CD6: variants seen among roughly 807,000 people sequenced by gnomAD.
The protein encoded by CD6 is CD6 molecule.
Under a neutral mutation model 75.3 loss-of-function variants are expected in CD6, and 53 were observed. The ratio of observed to expected loss-of-function variants is 0.70; its 90% CI spans 0.56 to 0.88. CD6 has a LOEUF of 0.88. CD6 is among the 40% of genes least tolerant of loss of function. The pLI is 0.00. For synonymous variants in CD6, 359 were observed against 381.5 expected (o/e 0.94, Z 0.69); for missense variants, 770 against 897.1 (o/e 0.86, Z 1.81).
rs568697428 is a variant in CD6 at position 60,977,752 on chromosome 11, C to T, written c.49+5838C>T. 1.7e-3 allele frequency among the ~76,000 whole-genome samples: 259 copies of T among 152,268 alleles called. 1 individual carries two copies. Among genetic ancestry groups the T allele is most frequent in the Non-Finnish European group, 3.1e-3 (208 of 68,022 alleles). ...TCAAGGGATCCTCCCACCTCAGCCT[C>T]CCAAATAGCTGGGATTACAGGCGCC... On this transcript the variant is annotated intron_variant, in intron 1 of 12. Coordinates refer to ENST00000313421, the MANE Select transcript of CD6 (RefSeq NM_006725.5).
chr11:60,971,702 C>T lies in CD6; in HGVS notation c.-164C>T. 2 of 663,552 alleles carry T rather than the reference C, an allele frequency of 3.0e-6. No homozygotes were observed. Among genetic ancestry groups the T allele is most frequent in the Non-Finnish European group, 5.3e-6 (2 of 379,814 alleles). The allele number at this position is 663,552 out of a possible 1,614,324, so 41.1% of individuals were successfully genotyped here. On this transcript the variant is annotated 5_prime_UTR_variant, in exon 1 of 13. Coordinates refer to ENST00000313421, the MANE Select transcript of CD6 (RefSeq NM_006725.5). ...GACACTCACAGGTTGGGTTTGATCG[C>T]ATGCGTGTCGGAGAGGAGAGAGCAG... is the stretch of plus-strand genomic sequence containing the variant.
intron 1 of CD6, among the ~76,000 whole-genome samples, chr11:60,985,712 C>G (rs1857787108): frequency 6.6e-6 from 1 of 152,182 alleles, no homozygotes; most frequent in Non-Finnish European, 1.5e-5. Flanking sequence ...CATGCCAGCA[C>G]TTTGGGAGGC....
intron 1 of CD6, among the ~76,000 whole-genome samples, chr11:61,004,780 A>G (rs1240332445): frequency 6.6e-6 from 1 of 152,150 alleles, no homozygotes; most frequent in Non-Finnish European, 1.5e-5. Flanking sequence ...CTCACACAAA[A>G]TCCAAGCTGG....
intron 8 of CD6, 37 bp downstream of exon 8, chr11:61,014,051 G>A (rs371522495): frequency 6.6e-7 from 1 of 1,515,470 alleles, no homozygotes; most frequent in Non-Finnish European, 9.1e-7. Flanking sequence ...GGAGGGCTGG[G>A]GAGGACAAGA....
intron 1 of CD6, among the ~76,000 whole-genome samples, chr11:60,991,313 G>A (rs997590514): frequency 4.0e-5 from 6 of 151,398 alleles, no homozygotes; most frequent in Non-Finnish European, 7.4e-5. Flanking sequence ...ACCATGCCTG[G>A]CTAATTGTTT....
chr11:60,995,653 G>A (rs2135098234), intron 1 of CD6, among the ~76,000 whole-genome samples: 1 of 152,236 alleles, frequency 6.6e-6, no homozygotes, highest in South Asian at 2.1e-4. Flanking sequence ...AGACAGTGCT[G>A]GAGTGAGCCC....
At chr11:61,018,502 G>A (rs1382689671) in intron 12 of CD6, 109 bp downstream of exon 12, 1 of 868,600 alleles carries the variant, frequency 1.2e-6, no homozygotes, top group Non-Finnish European at 1.8e-6. Context: ...GAGAAAGGAA[G>A]GGTAAAAGAA....
At chr11:61,009,360 C>T (rs1165481361) in intron 4 of CD6, among the ~76,000 whole-genome samples, 2 of 152,186 alleles carry the variant, frequency 1.3e-5, no homozygotes, top group South Asian at 2.1e-4. Flanking sequence ...CAGGCAATGC[C>T]GATGCTGCTG....
intron 1 of CD6, among the ~76,000 whole-genome samples, chr11:60,977,258 G>T (rs896035305): frequency 1.3e-5 from 2 of 152,190 alleles, no homozygotes; most frequent in African/African-American, 4.8e-5. Context: ...GGGGCAAGGA[G>T]GAATAAACAG....
chr11:60,985,536 A>C (rs969959011), intron 1 of CD6, among the ~76,000 whole-genome samples: 1 of 151,708 alleles, frequency 6.6e-6, no homozygotes, highest in Non-Finnish European at 1.5e-5. Flanking sequence ...ATCTGTCACT[A>C]TCATGTATCT....
intron 1 of CD6, among the ~76,000 whole-genome samples, chr11:60,998,041 G>A (rs144342710): frequency 0.021 from 3,134 of 152,292 alleles, 55 homozygotes; most frequent in South Asian, 0.037. Flanking sequence ...ATGATAAATG[G>A]ACGGTGTAGG....
At chr11:60,993,804 C>T (rs537548758) in intron 1 of CD6, among the ~76,000 whole-genome samples, 3 of 152,220 alleles carry the variant, frequency 2.0e-5, no homozygotes, top group Admixed American at 2.0e-4. Context: ...CATACCTGCC[C>T]CAGTTCCCAG....
chr11:61,004,945 C>G (rs1043322649), intron 1 of CD6, among the ~76,000 whole-genome samples: 1 of 152,204 alleles, frequency 6.6e-6, no homozygotes, highest in Non-Finnish European at 1.5e-5. Flanking sequence ...ACCAGCCCAA[C>G]CTAAGTGCAA....
At chr11:60,975,982 G>C (rs550268938) in intron 1 of CD6, among the ~76,000 whole-genome samples, 5 of 152,214 alleles carry the variant, frequency 3.3e-5, no homozygotes, top group African/African-American at 7.2e-5. Context: ...AATGCTTTTA[G>C]AACTAAAAAA....
chr11:60,983,947 T>C (rs1162052596), intron 1 of CD6, among the ~76,000 whole-genome samples: 1 of 152,170 alleles, frequency 6.6e-6, no homozygotes, highest in Non-Finnish European at 1.5e-5. Flanking sequence ...TGGTTCTTCA[T>C]GGTTCCATTT....
intron 10 of CD6, 70 bp downstream of exon 10, chr11:61,017,620 C>G: frequency 6.4e-7 from 1 of 1,567,566 alleles, no homozygotes; most frequent in Non-Finnish European, 8.8e-7. Flanking sequence ...CAGCTTGAGA[C>G]CTTCCAGCAG....
chr11:61,008,832 C>A lies in CD6; in HGVS notation c.768C>A (p.Gly256=), dbSNP rs774907838. 1 of 1,551,492 alleles carries A rather than the reference C, an allele frequency of 6.4e-7. No homozygotes were observed. Among genetic ancestry groups the A allele is most frequent in the Non-Finnish European group, 8.7e-7 (1 of 1,146,092 alleles). The change falls in exon 4 of 13, where the codon GGC becomes GGA. Residue 256 remains glycine (G), a synonymous_variant. Coordinates refer to ENST00000313421, the MANE Select transcript of CD6 (RefSeq NM_006725.5). ...QHYCGHKEDA[G]AVCSEHQSWR... ...ACTGCGGCCACAAAGAGGACGCGGGCGCGGTGTGCTCAGGTCAGTGGGCGG... is the reference window on the plus strand; with the variant it reads ...ACTGCGGCCACAAAGAGGACGCGGGAGCGGTGTGCTCAGGTCAGTGGGCGG...
At chr11:60,989,008 C>A (rs936816294) in intron 1 of CD6, among the ~76,000 whole-genome samples, 1 of 152,202 alleles carries the variant, frequency 6.6e-6, no homozygotes, top group Non-Finnish European at 1.5e-5. Context: ...GAATTTAATA[C>A]CTTGAGTGTC....
chr11:60,971,769 C>G lies in CD6; in HGVS notation c.-97C>G. ...AAGAACAGCAAAGGGTAGAGCAGAC[C>G]TGCGCCAGGGGCGCACAACGGCCGT... On this transcript the variant is annotated 5_prime_UTR_variant, in exon 1 of 13. Transcript: ENST00000313421. The G allele has an allele frequency of 8.1e-7, 1 of 1,227,890 alleles. No individual in the cohort carries two copies. Among genetic ancestry groups the G allele is most frequent in the Non-Finnish European group, 1.2e-6 (1 of 849,278 alleles). The allele number at this position is 1,227,890 out of a possible 1,614,324, so 76.1% of individuals were successfully genotyped here. A position where few individuals can be genotyped will look rare whatever the true frequency, so the allele number is the denominator to read the frequency against.
Sources: gnomAD v4.1 joint callset for allele counts (sites outside exome capture counted in the v4.1 genomes callset) on GRCh38, gnomAD v4.1.1 for gene constraint, MANE v1.5 for transcripts, NCBI Gene and HGNC (gene_info 2026-07-23, HGNC 2026-07-21) for gene names.